Variants in IQCJ observed in about 807,000 individuals in gnomAD.
IQCJ encodes IQ domain-containing protein J.
Under a neutral mutation model 11.0 loss-of-function variants are expected in IQCJ, and 9 were observed. That is an observed-to-expected ratio of 0.82 (90% CI 0.49 to 1.43). The LOEUF is 1.43. Among genes scored for constraint, IQCJ ranks in the 40% most tolerant of loss-of-function variants. The pLI is 0.00. For synonymous variants in IQCJ, 55 were observed against 51.3 expected (o/e 1.07, Z -0.31); for missense variants, 146 against 133.2 (o/e 1.10, Z -0.47).
intron 1 of IQCJ, among the ~76,000 whole-genome samples, chr3:159,132,605 T>C (rs1158876230): frequency 6.6e-6 from 1 of 152,176 alleles, no homozygotes; most frequent in Admixed American, 6.5e-5. Context: ...ACTCCTGGGA[T>C]TTTAGGAATG....
At chr3:159,174,653 C>A (rs1234046082) in intron 1 of IQCJ, among the ~76,000 whole-genome samples, 2 of 152,136 alleles carry the variant, frequency 1.3e-5, no homozygotes, top group African/African-American at 4.8e-5. Flanking sequence ...CTTAGAAAGG[C>A]TGATCTTTAT....
chr3:159,191,383 T>C (rs1248228458), intron 1 of IQCJ, among the ~76,000 whole-genome samples: 1 of 152,138 alleles, frequency 6.6e-6, no homozygotes, highest in East Asian at 1.9e-4. Flanking sequence ...TGATTTTGTC[T>C]AAAGACATTA....
intron 1 of IQCJ, among the ~76,000 whole-genome samples, chr3:159,091,674 GCACACACACACACACACA>G (rs1170628138): frequency 6.1e-5 from 5 of 81,312 alleles, no homozygotes; most frequent in South Asian, 2.8e-4. Context: ...ACACACGCAT[GCACACACACACACACACA>G]CACACACACA....
At chr3:159,114,364 G>GC (rs1718822349) in intron 1 of IQCJ, among the ~76,000 whole-genome samples, 1 of 150,260 alleles carries the variant, frequency 6.7e-6, no homozygotes, top group Admixed American at 6.7e-5. Context: ...AGGCTGGAGT[G>GC]CAGTGGCATG....
At chr3:159,181,123 C>G (rs577934912) in intron 1 of IQCJ, among the ~76,000 whole-genome samples, 1 of 152,002 alleles carries the variant, frequency 6.6e-6, no homozygotes, top group African/African-American at 2.4e-5. Context: ...TCCATGGAAC[C>G]TGCCTGGGCA....
intron 1 of IQCJ, among the ~76,000 whole-genome samples, chr3:159,093,403 A>C (rs959371271): frequency 1.3e-5 from 2 of 151,836 alleles, no homozygotes; most frequent in Non-Finnish European, 2.9e-5. Flanking sequence ...TCGATAATAG[A>C]TGATATTCTC....
At chr3:159,248,011 G>A (rs1198029058) in intron 2 of IQCJ, among the ~76,000 whole-genome samples, 1 of 152,156 alleles carries the variant, frequency 6.6e-6, no homozygotes, top group Non-Finnish European at 1.5e-5. Flanking sequence ...CCATACATCT[G>A]AAATGTTGTT....
intron 1 of IQCJ, among the ~76,000 whole-genome samples, chr3:159,130,777 A>T (rs1337587764): frequency 6.6e-6 from 1 of 152,206 alleles, no homozygotes; most frequent in African/African-American, 2.4e-5. Flanking sequence ...AGTTAAGTGG[A>T]GTATGGTTAT....
downstream of IQCJ, chr3:159,265,309 T>A (rs754167230): frequency 2.5e-6 from 4 of 1,613,774 alleles, no homozygotes; most frequent in East Asian, 8.9e-5. Flanking sequence ...AAGGTGATTC[T>A]TCTCTACCTT....
chr3:159,081,953 A>T (rs922782587), intron 1 of IQCJ, among the ~76,000 whole-genome samples: 6 of 152,140 alleles, frequency 3.9e-5, no homozygotes, highest in Admixed American at 3.3e-4. Flanking sequence ...ACAAAACAAA[A>T]ATTGAAGTGG....
At chr3:159,184,054 A>C (rs145363276) in intron 1 of IQCJ, among the ~76,000 whole-genome samples, 5 of 151,556 alleles carry the variant, frequency 3.3e-5, no homozygotes, top group Non-Finnish European at 7.4e-5. Context: ...CCTTACTTAA[A>C]ATACTTCAGT....
rs535603227 is a variant in IQCJ, at chr3:159,177,907, A to G, written c.10-67936A>G. On this transcript the variant is annotated intron_variant, in intron 1 of 3. Transcript: ENST00000397832. ...TGTTGCCTCAATTTAGTTCAACTCA[A>G]TAAATTCACATTTGGGTGCCTACCC... Among the ~76,000 whole-genome samples the G allele has an allele frequency of 1.1e-3, 174 of 152,338 alleles. 1 individual carries two copies. The highest frequency in any genetic ancestry group is 3.9e-3 in the African/African-American group (162 of 41,580).
At chr3:159,219,517 A>G (rs1725419555) in intron 1 of IQCJ, among the ~76,000 whole-genome samples, 1 of 152,174 alleles carries the variant, frequency 6.6e-6, no homozygotes, top group Non-Finnish European at 1.5e-5. Context: ...GAGAAACAAG[A>G]CCATTTGATG....
chr3:159,079,038 C>T (rs1377014235), intron 1 of IQCJ, among the ~76,000 whole-genome samples: 1 of 152,074 alleles, frequency 6.6e-6, no homozygotes, highest in Non-Finnish European at 1.5e-5. Context: ...GAGGCCAGAA[C>T]TTTTGTCTAC....
chr3:159,069,341 C>A lies in IQCJ; in HGVS notation c.-92C>A. 6.7e-7 allele frequency: 1 copy of A among 1,500,608 alleles called. No homozygotes were observed. Among genetic ancestry groups the A allele is most frequent in the Non-Finnish European group, 8.9e-7 (1 of 1,120,146 alleles). 93.0% of individuals were successfully genotyped at this position (1,500,608 alleles called of 1,614,324 possible). ...CTCACACTCGCCTCACATTCCCCCACAGTCACATTGCGCTCTGTGATTCTG... is the reference window on the plus strand; with the variant it reads ...CTCACACTCGCCTCACATTCCCCCAAAGTCACATTGCGCTCTGTGATTCTG... On this transcript the variant is annotated 5_prime_UTR_variant, in exon 1 of 4. Transcript: ENST00000397832.
chr3:159,121,694 T>C (rs1719389565), intron 1 of IQCJ, among the ~76,000 whole-genome samples: 1 of 152,212 alleles, frequency 6.6e-6, no homozygotes, highest in Non-Finnish European at 1.5e-5. Flanking sequence ...TTAACTATCA[T>C]AGAAGCCTTT....
At chr3:159,075,936 G>A (rs1416094102) in intron 1 of IQCJ, among the ~76,000 whole-genome samples, 1 of 152,086 alleles carries the variant, frequency 6.6e-6, no homozygotes, top group Non-Finnish European at 1.5e-5. Flanking sequence ...GTGAGCAGAA[G>A]CAGTGATTGG....
At chr3:159,218,007 TAAC>T (rs1282796898) in intron 1 of IQCJ, among the ~76,000 whole-genome samples, 3 of 141,882 alleles carry the variant, frequency 2.1e-5, no homozygotes, top group African/African-American at 5.4e-5. Context: ...ATGGTAGTAA[TAAC>T]AACAATATAT....
At chr3:159,075,499 A>T (rs1715850199) in intron 1 of IQCJ, among the ~76,000 whole-genome samples, 1 of 152,068 alleles carries the variant, frequency 6.6e-6, no homozygotes. Flanking sequence ...CTCATTCCTC[A>T]CTAGGGCTGC....
Sources: allele counts gnomAD v4.1 joint callset (sites outside exome capture counted in the v4.1 genomes callset), GRCh38; gene constraint gnomAD v4.1.1; transcripts MANE v1.5; gene names NCBI Gene and HGNC (gene_info 2026-07-23, HGNC 2026-07-21).